Variants in ECT2L observed in about 807,000 individuals in gnomAD.
ECT2L encodes epithelial cell transforming 2 like.
A neutral mutation model predicts 122.8 loss-of-function variants in ECT2L; 126 were observed. That is an observed-to-expected ratio of 1.03 (90% confidence interval 0.89 to 1.19). The LOEUF is 1.19. Ranked by LOEUF, ECT2L falls within the 50% of genes most tolerant of loss-of-function variation. ECT2L has a pLI of 0.00. For missense variants in ECT2L, 1,012 were observed against 1,064.1 expected (o/e 0.95, Z 0.68); for synonymous variants, 385 against 381.8 (o/e 1.01, Z -0.10).
chr6:138,860,707 ATTTTT>A (rs35611410), intron 10 of ECT2L, among the ~76,000 whole-genome samples: 29 of 135,776 alleles, frequency 2.1e-4, no homozygotes, highest in Non-Finnish European at 2.7e-4. Context: ...TGAAGGGGCT[ATTTTT>A]TTTTTTTTTT....
intron 4 of ECT2L, among the ~76,000 whole-genome samples, chr6:138,836,202 ATTAATT>A (rs1042235655): frequency 6.6e-6 from 1 of 151,830 alleles, no homozygotes; most frequent in Non-Finnish European, 1.5e-5. Context: ...AAAGTATTTG[ATTAATT>A]TTAAAGTAAT....
chr6:138,851,180 T>C (rs1777437548), intron 9 of ECT2L, among the ~76,000 whole-genome samples: 1 of 151,992 alleles, frequency 6.6e-6, no homozygotes, highest in Non-Finnish European at 1.5e-5. Context: ...TCTGTGCTTT[T>C]TTTTTGTTTT....
At chr6:138,820,664 A>T (rs9389621) in intron 4 of ECT2L, among the ~76,000 whole-genome samples, 78,817 of 151,954 alleles carry the variant, frequency 0.52, 21,781 homozygotes, top group East Asian at 0.8. Context: ...ACAAAAAGCA[A>T]TTAGCAGTGA....
At chr6:138,845,909 C>G (rs1231170779) in intron 7 of ECT2L, among the ~76,000 whole-genome samples, 1 of 151,802 alleles carries the variant, frequency 6.6e-6, no homozygotes, top group African/African-American at 2.4e-5. Context: ...CATCTTTCCC[C>G]CCACCCAAAA....
intron 13 of ECT2L, among the ~76,000 whole-genome samples, chr6:138,874,674 G>A (rs1394132094): frequency 6.6e-6 from 1 of 152,128 alleles, no homozygotes; most frequent in Non-Finnish European, 1.5e-5. Context: ...CCCAGAGAAA[G>A]ATGGCTCCCT....
At position 138,903,092 on chromosome 6, in the gene ECT2L, C is replaced by T. The variant is rs1779460283; in HGVS notation, c.*465C>T. The T allele has an allele frequency of 1.3e-5, 2 of 159,934 alleles. No individual in the cohort carries two copies. The highest frequency in any genetic ancestry group is 2.4e-5 in the African/African-American group (1 of 41,460). 9.9% of individuals were successfully genotyped at this position (159,934 alleles called of 1,614,324 possible). On this transcript the variant is annotated 3_prime_UTR_variant, in exon 22 of 22. Transcript: ENST00000541398. ...TGGATAAGAGGGCTGGGCATGATGACTCACGCCTGTAATCCCAGCACTTTG... is the reference window on the plus strand; with the variant it reads ...TGGATAAGAGGGCTGGGCATGATGATTCACGCCTGTAATCCCAGCACTTTG...
At chr6:138,865,533 C>T (rs1562481961) in intron 12 of ECT2L, among the ~76,000 whole-genome samples, 2 of 152,126 alleles carry the variant, frequency 1.3e-5, no homozygotes, top group Non-Finnish European at 2.9e-5. Context: ...TACCCCAGCA[C>T]CTATTACATA....
At chr6:138,876,711 T>C (rs1274231007) in intron 14 of ECT2L, among the ~76,000 whole-genome samples, 153 bp downstream of exon 14, 1 of 151,866 alleles carries the variant, frequency 6.6e-6, no homozygotes, top group East Asian at 1.9e-4. Context: ...AGAATTCAGC[T>C]GGCAGACTTT....
At chr6:138,882,297 C>G (rs1160601598) in intron 15 of ECT2L, among the ~76,000 whole-genome samples, 1 of 152,154 alleles carries the variant, frequency 6.6e-6, no homozygotes, top group African/African-American at 2.4e-5. Context: ...TTCAAAGCCT[C>G]TGATGGATGA....
At chr6:138,840,510 G>T (rs369142356) in intron 5 of ECT2L, among the ~76,000 whole-genome samples, 1 of 151,816 alleles carries the variant, frequency 6.6e-6, no homozygotes, top group African/African-American at 2.4e-5. Context: ...TAGTTTTTGT[G>T]CATCTAAAAA....
chr6:138,878,427 G>A (rs560965772), intron 14 of ECT2L, among the ~76,000 whole-genome samples: 1 of 151,928 alleles, frequency 6.6e-6, no homozygotes, highest in East Asian at 1.9e-4. Context: ...TGCCACGAAG[G>A]GAGAAAGGAG....
At chr6:138,895,013 C>T (rs1374548775) in intron 20 of ECT2L, among the ~76,000 whole-genome samples, 1 of 152,044 alleles carries the variant, frequency 6.6e-6, no homozygotes, top group Non-Finnish European at 1.5e-5. Flanking sequence ...AATCCCAGCA[C>T]TTTGGGAAGC....
At chr6:138,867,024 A>G (rs1562482661) in intron 12 of ECT2L, among the ~76,000 whole-genome samples, 1 of 152,102 alleles carries the variant, frequency 6.6e-6, no homozygotes, top group Non-Finnish European at 1.5e-5. Context: ...CAGTGAGCTG[A>G]GATCGCGTCA....
At position 138,843,221 on chromosome 6, in the gene ECT2L, A is replaced by C. The variant is rs754317879; in HGVS notation, c.585A>C (p.Ala195=). The C allele has an allele frequency of 6.2e-7, 1 of 1,607,500 alleles. No homozygotes were observed. The highest frequency in any genetic ancestry group is 1.3e-5 in the African/African-American group (1 of 74,748). Residue 195 remains alanine, a synonymous_variant, in exon 6 of 22, where the codon GCA becomes GCC. Coordinates refer to ENST00000541398, the MANE Select transcript of ECT2L (RefSeq NM_001077706.3). ...GGAAAAGAATTTGGGAGAAAATTGC[A>C]CTACGTAAGAGTAAGTAGCATTTTA... ...CLRKRIWEKI[A]LRKKELFKVR...
At chr6:138,886,699 A>G (rs890389803) in intron 18 of ECT2L, among the ~76,000 whole-genome samples, 158 bp from the exon 19 acceptor site, 2 of 152,172 alleles carry the variant, frequency 1.3e-5, no homozygotes, top group African/African-American at 2.4e-5. Context: ...ATTACAGACG[A>G]AAGTCACTAC....
chr6:138,869,360 T>A (rs1778162345), intron 13 of ECT2L, among the ~76,000 whole-genome samples: 1 of 152,334 alleles, frequency 6.6e-6, no homozygotes, highest in African/African-American at 2.4e-5. Context: ...TTTAACATTG[T>A]CTCTGCACAC....
chr6:138,856,708 G>GCA (rs1183745079), intron 10 of ECT2L, among the ~76,000 whole-genome samples: 1 of 152,112 alleles, frequency 6.6e-6, no homozygotes, highest in African/African-American at 2.4e-5. Context: ...ACAACTCTCT[G>GCA]CACACACTAT....
chr6:138,894,182 A>T (rs1054187452), intron 20 of ECT2L, among the ~76,000 whole-genome samples: 1 of 151,942 alleles, frequency 6.6e-6, no homozygotes, highest in Non-Finnish European at 1.5e-5. Context: ...TCAGCCTCCC[A>T]AGTAGCTGGG....
intron 13 of ECT2L, among the ~76,000 whole-genome samples, chr6:138,872,305 C>T (rs1258323246): frequency 6.6e-6 from 1 of 152,210 alleles, no homozygotes; most frequent in East Asian, 1.9e-4. Flanking sequence ...TTTGCAGGAG[C>T]TAACCAGCTA....
Sources: gnomAD v4.1 joint callset for allele counts (sites outside exome capture counted in the v4.1 genomes callset) on GRCh38, gnomAD v4.1.1 for gene constraint, MANE v1.5 for transcripts, NCBI Gene and HGNC (gene_info 2026-07-23, HGNC 2026-07-21) for gene names.